The following DNAH9 variants were observed in gnomAD, a reference collection of about 807,000 sequenced individuals.
DNAH9 encodes the protein DNAH9 variant protein.
A neutral mutation model predicts 471.6 loss-of-function variants in DNAH9; 345 were observed. That is an observed-to-expected ratio of 0.73 (90% CI 0.67 to 0.80). The LOEUF is 0.80. Among genes scored for constraint, DNAH9 ranks in the 30% least tolerant of loss-of-function variants. The probability of loss-of-function intolerance (pLI) is 0.00; values close to 1 mark genes in which losing one functional copy is unlikely to be tolerated. For missense variants in DNAH9, 5,407 were observed against 5,609.2 expected (o/e 0.96, Z 1.15); for synonymous variants, 2,093 against 2,123.6 (o/e 0.99, Z 0.40).
At position 11,881,916 on chromosome 17, in the gene DNAH9, AAAG is replaced by A. The variant is rs1245813485; in HGVS notation, c.10806+506_10806+508del. 4.6e-5 allele frequency among the ~76,000 whole-genome samples: 7 copies of A among 151,846 alleles called. No individual in the cohort carries two copies. In the South Asian group the frequency reaches 1.3e-3, roughly 27 times the overall value. ...ATAGGGCGAGGTTCTGTCTCAAAAA[AAAG>A]AAAAAAAAAACAGCTTGGAGACTGG... is the stretch of plus-strand genomic sequence containing the variant. On this transcript the variant is annotated intron_variant, in intron 55 of 68. Transcript: ENST00000262442.
intron 52 of DNAH9, among the ~76,000 whole-genome samples, chr17:11,874,084 A>C (rs1048211641): frequency 3.9e-5 from 6 of 151,970 alleles, no homozygotes; most frequent in African/African-American, 1.2e-4. Context: ...GTCTCTACTA[A>C]AAACACAAAA....
chr17:11,939,487 G>A (rs1185539692), intron 66 of DNAH9, among the ~76,000 whole-genome samples: 1 of 152,212 alleles, frequency 6.6e-6, no homozygotes, highest in Non-Finnish European at 1.5e-5. Context: ...CACGTGTGCA[G>A]GTTACTGGGT....
intron 7 of DNAH9, 57 bp downstream of exon 7, chr17:11,629,641 C>T: frequency 6.6e-7 from 1 of 1,509,212 alleles, no homozygotes; most frequent in East Asian, 2.3e-5. Flanking sequence ...TGCCTCTCAT[C>T]TGTAGGGTCT....
At chr17:11,708,310 G>A (rs1597513523) in intron 26 of DNAH9, among the ~76,000 whole-genome samples, 1 of 152,290 alleles carries the variant, frequency 6.6e-6, no homozygotes, top group South Asian at 2.1e-4. Flanking sequence ...AAGGGAAGTT[G>A]ACTTAGGGGC....
At chr17:11,610,024 TA>T (rs1334287155) in intron 2 of DNAH9, among the ~76,000 whole-genome samples, 9 of 152,304 alleles carry the variant, frequency 5.9e-5, no homozygotes, top group African/African-American at 2.2e-4. Flanking sequence ...CTGTCACTGG[TA>T]GGATTCAAGC....
chr17:11,872,446 C>T (rs1051186750), intron 52 of DNAH9, among the ~76,000 whole-genome samples: 4 of 150,106 alleles, frequency 2.7e-5, no homozygotes, highest in Admixed American at 1.3e-4. Flanking sequence ...TACTTGGACG[C>T]GAGCATCAGA....
intron 8 of DNAH9, among the ~76,000 whole-genome samples, chr17:11,635,649 A>T (rs2073148903): frequency 6.6e-6 from 1 of 152,172 alleles, no homozygotes; most frequent in African/African-American, 2.4e-5. Flanking sequence ...GTATTGGTAT[A>T]TCCTAAATAT....
chr17:11,866,743 C>A (rs1449277788), intron 50 of DNAH9, among the ~76,000 whole-genome samples: 2 of 152,356 alleles, frequency 1.3e-5, no homozygotes, highest in African/African-American at 4.8e-5. Context: ...CCTCCCCCAG[C>A]CTCGCTGCCG....
chr17:11,664,224 A>T (rs185985083), intron 14 of DNAH9, among the ~76,000 whole-genome samples: 3 of 151,956 alleles, frequency 2.0e-5, no homozygotes, highest in African/African-American at 7.3e-5. Context: ...TTGGATGCCA[A>T]TAGGTCAAGA....
Position 11,694,869 on chromosome 17 carries a change from C to CTTCCTTCCTTCT in DNAH9, c.4872+425_4872+426insCTTCCTTCTTTC. ...CCTTCCTTCCTTCCTTCCTTCCTTCCTTCTTTCTTTCTTTCTTTCTTTCTT... is the reference window on the plus strand; with the variant it reads ...CCTTCCTTCCTTCCTTCCTTCCTTCCTTCCTTCCTTCTTTCTTTCTTTCTTTCTTTCTTTCTT... On this transcript the variant is annotated intron_variant, in intron 22 of 68. Coordinates refer to ENST00000262442, the MANE Select transcript of DNAH9 (RefSeq NM_001372.4). 7.0e-3 allele frequency among the ~76,000 whole-genome samples: 2 copies of CTTCCTTCCTTCT among 284 alleles called. 1 individual carries two copies. The highest frequency in any genetic ancestry group is 0.071 in the East Asian group (2 of 28). 0.2% of individuals were successfully genotyped at this position (284 alleles called of 152,430 possible).
intron 28 of DNAH9, 99 bp from the exon 29 acceptor site, chr17:11,738,781 T>A: frequency 9.7e-7 from 1 of 1,034,756 alleles, no homozygotes. Flanking sequence ...CACAGGACAG[T>A]TCTTCGTGCT....
intron 43 of DNAH9, among the ~76,000 whole-genome samples, chr17:11,805,799 C>A (rs144746502): frequency 0.049 from 7,422 of 152,060 alleles, 569 homozygotes; most frequent in African/African-American, 0.17. Flanking sequence ...GTGATCCCCC[C>A]ACCTTGGCTT....
chr17:11,823,001 C>G lies in DNAH9; in HGVS notation c.9213C>G (p.Asn3071Lys). Residue 3071 changes from asparagine to lysine, a missense_variant, in exon 48 of 69, where the codon AAC becomes AAG. Asn to Lys is a moderately conservative substitution (Grantham distance 94, BLOSUM62 0). Coordinates refer to ENST00000262442, the MANE Select transcript of DNAH9 (RefSeq NM_001372.4). ...AGTGCAAGACAGAGCGGTTGGAGAA[C>G]GGGCTGCTGAAGCTGCATAGCACCT... Reference protein sequence around the residue: ...ELKCKTERLENGLLKLHSTSA... With the variant: ...ELKCKTERLEKGLLKLHSTSA... 1 of 1,614,016 alleles carries G rather than the reference C, an allele frequency of 6.2e-7. No individual in the cohort carries two copies. Among genetic ancestry groups the G allele is most frequent in the Non-Finnish European group, 8.5e-7 (1 of 1,179,984 alleles).
intron 53 of DNAH9, among the ~76,000 whole-genome samples, chr17:11,877,904 T>G (rs913508041): frequency 1.3e-5 from 2 of 152,078 alleles, no homozygotes; most frequent in Non-Finnish European, 2.9e-5. Context: ...CTGGCTAATA[T>G]TTTGTATTTT....
At chr17:11,619,134 ACAGCTC>A (rs2072804091) in intron 5 of DNAH9, among the ~76,000 whole-genome samples, 1 of 152,244 alleles carries the variant, frequency 6.6e-6, no homozygotes, top group Admixed American at 6.5e-5. Context: ...GGCTGTCGCT[ACAGCTC>A]CAGCTTTTCA....
intron 50 of DNAH9, among the ~76,000 whole-genome samples, chr17:11,855,380 A>G (rs1310318737): frequency 3.9e-5 from 6 of 152,246 alleles, no homozygotes; most frequent in Non-Finnish European, 8.8e-5. Context: ...AGTTTTCTGT[A>G]CAGCTTGTTT....
At chr17:11,783,037 A>C (rs534380568) in intron 39 of DNAH9, among the ~76,000 whole-genome samples, 1 of 152,130 alleles carries the variant, frequency 6.6e-6, no homozygotes, top group Non-Finnish European at 1.5e-5. Flanking sequence ...TGTTCCCTCC[A>C]CTGTTCTTAC....
At chr17:11,650,621 T>A (rs2073486529) in intron 12 of DNAH9, among the ~76,000 whole-genome samples, 1 of 152,246 alleles carries the variant, frequency 6.6e-6, no homozygotes, top group Admixed American at 6.5e-5. Flanking sequence ...TCGCTATAAC[T>A]GTTTCATTTG....
At chr17:11,794,880 C>T (rs1969188352) in intron 42 of DNAH9, among the ~76,000 whole-genome samples, 1 of 139,604 alleles carries the variant, frequency 7.2e-6, no homozygotes, top group Admixed American at 8.2e-5. Flanking sequence ...TAACGTTCTG[C>T]ACTTGGACAC....
Sources: allele counts gnomAD v4.1 joint callset (sites outside exome capture counted in the v4.1 genomes callset), GRCh38; gene constraint gnomAD v4.1.1; transcripts MANE v1.5; gene names NCBI Gene and HGNC (gene_info 2026-07-23, HGNC 2026-07-21).